The following CLSTN1 variants were observed in gnomAD, a reference collection of about 807,000 sequenced individuals.
CLSTN1 encodes the protein calsyntenin 1, also known as calsyntenin-1.
Under a neutral mutation model 108.3 loss-of-function variants are expected in CLSTN1, and 28 were observed. The observed-to-expected ratio is 0.26, with a 90% CI of 0.19 to 0.35. The LOEUF is 0.35. Ranked by LOEUF, CLSTN1 falls within the 10% of genes least tolerant of loss-of-function variation. The pLI, the probability that CLSTN1 is intolerant of heterozygous loss-of-function variation, is 1.00. For missense variants in CLSTN1, 1,157 were observed against 1,302.6 expected, an observed-to-expected ratio of 0.89 and a Z score of 1.72; for synonymous variants, 524 against 534.9, an observed-to-expected ratio of 0.98 and a Z score of 0.28.
intron 1 of CLSTN1, among the ~76,000 whole-genome samples, chr1:9,805,091 G>A (rs1654449916): frequency 6.6e-6 from 1 of 152,112 alleles, no homozygotes; most frequent in African/African-American, 2.4e-5. Context: ...TAGTACTCCA[G>A]CCTGGGAGAC....
At chr1:9,792,622 C>G (rs1249733970) in intron 1 of CLSTN1, among the ~76,000 whole-genome samples, 1 of 151,406 alleles carries the variant, frequency 6.6e-6, no homozygotes, top group Non-Finnish European at 1.5e-5. Context: ...GTGTCGGGAA[C>G]CATGCCCTTG....
intron 8 of CLSTN1, 74 bp downstream of exon 8, chr1:9,744,319 GGA>G: frequency 6.5e-7 from 1 of 1,528,200 alleles, no homozygotes; most frequent in Non-Finnish European, 8.8e-7. Flanking sequence ...CCCTGGGAAA[GGA>G]GAGGGAGCCT....
At position 9,735,989 on chromosome 1, in the gene CLSTN1, G is replaced by GAGTTA; in HGVS notation, c.1625_1629dup (p.Leu544Ter). On this transcript the variant is annotated stop_gained and frameshift_variant, in exon 12 of 19. Transcript: ENST00000377298. LOFTEE classifies it high-confidence loss of function. ...TTATCCGCGAGTTTCCCGGAACGGA[G>GAGTTA]AGTTAAGCCAGCCAGATTGCCTCGG... 1 of 1,614,218 alleles carries GAGTTA rather than the reference G, an allele frequency of 6.2e-7. No homozygotes were observed.
chr1:9,800,431 A>G (rs1359648280), intron 1 of CLSTN1, among the ~76,000 whole-genome samples: 1 of 151,822 alleles, frequency 6.6e-6, no homozygotes, highest in Non-Finnish European at 1.5e-5. Context: ...AAAAAGATAC[A>G]TAAAGGGGCT....
At chr1:9,806,810 T>C (rs1417306911) in intron 1 of CLSTN1, among the ~76,000 whole-genome samples, 1 of 151,454 alleles carries the variant, frequency 6.6e-6, no homozygotes, top group Non-Finnish European at 1.5e-5. Flanking sequence ...ACCCAGGAGG[T>C]GGAGCTTGCA....
At chr1:9,747,837 A>G (rs948314722) in intron 7 of CLSTN1, among the ~76,000 whole-genome samples, 15 of 151,984 alleles carry the variant, frequency 9.9e-5, no homozygotes, top group African/African-American at 3.4e-4. Context: ...AGGTCAGGAG[A>G]TCGAGACCAT....
chr1:9,819,562 A>G (rs564686087), intron 1 of CLSTN1, among the ~76,000 whole-genome samples: 1 of 152,112 alleles, frequency 6.6e-6, no homozygotes, highest in Non-Finnish European at 1.5e-5. Flanking sequence ...GTATGTTATG[A>G]CCTCCTAAAC....
At chr1:9,757,244 G>GT (rs774259645) in intron 2 of CLSTN1, among the ~76,000 whole-genome samples, 4,778 of 140,310 alleles carry the variant, frequency 0.034, 102 homozygotes, top group South Asian at 0.064. Context: ...GGAGCAAAAG[G>GT]TTTTTTTTTT....
In CLSTN1 at chr1:9,734,589, A is replaced by AAAAAG. The variant is rs1491477453; in HGVS notation, c.2110+358_2110+359insCTTTT. On this transcript the variant is annotated intron_variant, in intron 14 of 18. Coordinates refer to ENST00000377298, the MANE Select transcript of CLSTN1 (RefSeq NM_001009566.3). This position sits in a 1 kb window ranked among gnomAD's most constrained non-coding sequence, Gnocchi z 4.8. ...GACTCCATCTCAAAAAAAAAAAAAA[A>AAAAAG]GGGGGGGAGTTTCATGTGTCCTGAG... Among the ~76,000 whole-genome samples the AAAAAG allele has an allele frequency of 6.7e-6, 1 of 149,126 alleles. No homozygotes were observed. Among genetic ancestry groups the AAAAAG allele is most frequent in the African/African-American group, 2.5e-5 (1 of 40,578 alleles).
chr1:9,788,304 C>T (rs943059441), intron 1 of CLSTN1, among the ~76,000 whole-genome samples: 4 of 151,410 alleles, frequency 2.6e-5, no homozygotes, highest in African/African-American at 4.8e-5. Flanking sequence ...GATGCGGTAG[C>T]TCATGCCTGT....
intron 1 of CLSTN1, among the ~76,000 whole-genome samples, chr1:9,787,613 AGGAT>A: frequency 6.6e-6 from 1 of 151,324 alleles, no homozygotes; most frequent in Admixed American, 6.7e-5. Flanking sequence ...CATGTTAGCC[AGGAT>A]GGTCTCGATC....
At chr1:9,821,554 C>T (rs186904828) in intron 1 of CLSTN1, among the ~76,000 whole-genome samples, 62 of 152,254 alleles carry the variant, frequency 4.1e-4, no homozygotes, top group African/African-American at 1.5e-3. Flanking sequence ...GCAGTCTGTA[C>T]GTAATCTAAC....
intron 1 of CLSTN1, among the ~76,000 whole-genome samples, chr1:9,822,177 TAG>T (rs1655214959): frequency 1.3e-5 from 2 of 152,296 alleles, no homozygotes; most frequent in South Asian, 2.1e-4. Context: ...TTGGATATAT[TAG>T]AGTTTCAGAC....
chr1:9,770,541 G>A (rs979939336), intron 2 of CLSTN1, among the ~76,000 whole-genome samples: 4 of 152,196 alleles, frequency 2.6e-5, no homozygotes, highest in Admixed American at 6.5e-5. Flanking sequence ...CCAGCTACAC[G>A]CCCAGAGCAA....
rs183452186 is a variant in CLSTN1 at position 9,819,391 on chromosome 1, C to T, written c.91+4252G>A. ...TTTAGACTTGGTTTAATAAGCTTCA[C>T]TAAGTCCTGCAGCTAGTGTTACGAA... On this transcript the variant is annotated intron_variant, in intron 1 of 18. Transcript: ENST00000377298. 4.8e-4 allele frequency among the ~76,000 whole-genome samples: 73 copies of T among 152,326 alleles called. No homozygotes were observed. The South Asian group carries it at 5.0e-3, about 10-fold the overall frequency.
intron 1 of CLSTN1, among the ~76,000 whole-genome samples, chr1:9,798,337 C>A (rs1654105359): frequency 6.6e-6 from 1 of 152,186 alleles, no homozygotes; most frequent in South Asian, 2.1e-4. Flanking sequence ...CATCCTAAAA[C>A]CTGCATCAAC....
At chr1:9,774,141 G>A (rs1652826478) in intron 1 of CLSTN1, among the ~76,000 whole-genome samples, 1 of 151,792 alleles carries the variant, frequency 6.6e-6, no homozygotes, top group Non-Finnish European at 1.5e-5. Context: ...GCACCCAGCT[G>A]CCCAATATTA....
intron 1 of CLSTN1, among the ~76,000 whole-genome samples, chr1:9,782,642 A>C (rs1401538233): frequency 6.6e-6 from 1 of 152,206 alleles, no homozygotes; most frequent in African/African-American, 2.4e-5. Flanking sequence ...AAAATACAAT[A>C]ATCAACTTTA....
chr1:9,767,822 G>A (rs1557705719), intron 2 of CLSTN1, among the ~76,000 whole-genome samples: 1 of 152,084 alleles, frequency 6.6e-6, no homozygotes, highest in Admixed American at 6.5e-5. Flanking sequence ...GTAGAAAGAT[G>A]AAAAAATATT....
Sources: allele counts gnomAD v4.1 joint callset (sites outside exome capture counted in the v4.1 genomes callset), GRCh38; gene constraint gnomAD v4.1.1; non-coding constraint Gnocchi (gnomAD v3.1); transcripts MANE v1.5; gene names NCBI Gene and HGNC (gene_info 2026-07-23, HGNC 2026-07-21).